PCDHA3: variants seen among roughly 807,000 people sequenced by gnomAD.
PCDHA3 encodes the protein protocadherin alpha 3, also known as protocadherin alpha-3.
In PCDHA3, 41 loss-of-function variants were observed where a neutral mutation model predicts 62.2. The ratio of observed to expected loss-of-function variants is 0.66; its 90% confidence interval spans 0.51 to 0.86. The LOEUF is 0.86. Ranked by LOEUF, PCDHA3 falls within the 40% of genes least tolerant of loss-of-function variation. PCDHA3 has a pLI of 0.00. For synonymous variants in PCDHA3, 640 were observed against 555.4 expected (o/e 1.15, Z -2.14); for missense variants, 1,304 against 1,241.2 (o/e 1.05, Z -0.76).
intron 1 of PCDHA3, chr5:140,863,284 G>A (rs1554158061): frequency 1.4e-6 from 2 of 1,461,880 alleles, no homozygotes; most frequent in Non-Finnish European, 1.9e-6. Flanking sequence ...GGATGTCAAC[G>A]TGTACCTGAT....
At chr5:140,936,112 C>T (rs782017334) in intron 1 of PCDHA3, among the ~76,000 whole-genome samples, 2 of 152,008 alleles carry the variant, frequency 1.3e-5, no homozygotes, top group Non-Finnish European at 2.9e-5. Context: ...AGGCTGGTCT[C>T]GAACTCCTGA....
Position 140,801,106 on chromosome 5 carries a change from C to A in PCDHA3, c.-92C>A. 6.6e-7 allele frequency: 1 copy of A among 1,507,684 alleles called. No homozygotes were observed. Among genetic ancestry groups the A allele is most frequent in the Non-Finnish European group, 8.8e-7 (1 of 1,134,524 alleles). 93.4% of individuals were successfully genotyped at this position (1,507,684 alleles called of 1,614,324 possible). A position where few individuals can be genotyped will look rare whatever the true frequency, so the allele number is the denominator to read the frequency against. ...CTTCATCCTCTCTAAAATTTAACACCGAGGAGTTTAAGAAATGAAGATAAG... is the reference window on the plus strand; with the variant it reads ...CTTCATCCTCTCTAAAATTTAACACAGAGGAGTTTAAGAAATGAAGATAAG... On this transcript the variant is annotated 5_prime_UTR_variant, in exon 1 of 4. Transcript: ENST00000522353.
chr5:140,930,196 T>C (rs1554207641), intron 1 of PCDHA3: 1 of 152,226 alleles, frequency 6.6e-6, no homozygotes, highest in South Asian at 2.1e-4. Flanking sequence ...AATTTTTATG[T>C]CAGAAATATT....
chr5:140,981,791 C>G (rs564396430), intron 2 of PCDHA3, among the ~76,000 whole-genome samples: 2 of 152,000 alleles, frequency 1.3e-5, no homozygotes, highest in Non-Finnish European at 2.9e-5. Flanking sequence ...GTTCTCTTTT[C>G]CCTTGAACAG....
intron 1 of PCDHA3, chr5:140,882,064 C>G (rs1277765660): frequency 1.1e-5 from 9 of 831,034 alleles, no homozygotes; most frequent in Non-Finnish European, 1.6e-5. Context: ...CTTACACGTT[C>G]ATGCGCATGG....
intron 1 of PCDHA3, among the ~76,000 whole-genome samples, chr5:140,827,481 A>C (rs555131112): frequency 1.3e-5 from 2 of 152,252 alleles, no homozygotes; most frequent in Admixed American, 1.3e-4. Flanking sequence ...TTGAACAAAG[A>C]AAGCATGGAC....
intron 1 of PCDHA3, among the ~76,000 whole-genome samples, chr5:140,900,046 G>A (rs896570608): frequency 2.4e-4 from 36 of 152,294 alleles, no homozygotes; most frequent in Admixed American, 1.6e-3. Context: ...CTGGGCTCAA[G>A]TGATCCTTTA....
intron 1 of PCDHA3, chr5:140,967,133 G>C: frequency 6.2e-7 from 1 of 1,611,928 alleles, no homozygotes; most frequent in East Asian, 2.2e-5. Flanking sequence ...CAGCTTGGAA[G>C]TGCTGGCGCA....
intron 1 of PCDHA3, chr5:140,812,652 A>G (rs2126640535): frequency 6.6e-6 from 1 of 152,200 alleles, no homozygotes; most frequent in South Asian, 2.1e-4. Context: ...AAGAGACAAG[A>G]TCTCACTATG....
chr5:140,842,159 T>A (rs2150330749), intron 1 of PCDHA3: 1 of 1,613,882 alleles, frequency 6.2e-7, no homozygotes, highest in South Asian at 1.1e-5. Context: ...AATTTCATAT[T>A]CTTTTAATAG....
chr5:140,856,851 C>T (rs140022509), intron 1 of PCDHA3: 4 of 1,593,160 alleles, frequency 2.5e-6, no homozygotes, highest in Admixed American at 1.7e-5. Context: ...GCTTCTGATT[C>T]GGATGAAGGA....
intron 1 of PCDHA3, among the ~76,000 whole-genome samples, chr5:140,941,301 TTTC>T (rs1554214297): frequency 1.4e-5 from 2 of 143,748 alleles, no homozygotes; most frequent in African/African-American, 2.6e-5. Flanking sequence ...TCTTTCTTTC[TTTC>T]TTTTTCTTCT....
intron 1 of PCDHA3, among the ~76,000 whole-genome samples, chr5:140,953,309 G>A (rs563699783): frequency 1.3e-5 from 2 of 152,220 alleles, no homozygotes; most frequent in East Asian, 1.9e-4. Flanking sequence ...AGAGATGTGG[G>A]AAGAATTTGA....
chr5:140,877,408 C>A, intron 1 of PCDHA3: 1 of 1,613,924 alleles, frequency 6.2e-7, no homozygotes, highest in South Asian at 1.1e-5. Context: ...TCCGCGCCAC[C>A]GCCTGCTGGT....
At chr5:140,848,903 A>T in intron 1 of PCDHA3, 1 of 1,607,734 alleles carries the variant, frequency 6.2e-7, no homozygotes, top group Non-Finnish European at 8.5e-7. Context: ...TCCCAGCGAC[A>T]CAAAAGAATC....
chr5:140,904,189 C>G (rs1436545458), intron 1 of PCDHA3, among the ~76,000 whole-genome samples: 1 of 151,968 alleles, frequency 6.6e-6, no homozygotes, highest in Non-Finnish European at 1.5e-5. Context: ...CCCCTTCCCA[C>G]CCTTTCCCCC....
At position 140,969,018 on chromosome 5, in the gene PCDHA3, G is replaced by A. The variant is rs143196630; in HGVS notation, c.2395-9931G>A. On this transcript the variant is annotated intron_variant, in intron 1 of 3. Transcript: ENST00000522353. ...GGAGGCTTCTGTGGAGTAAGGGAAA[G>A]GTCCCCTGCAGAACTGTACAAACAA... 33 of 1,614,058 alleles carry A rather than the reference G, an allele frequency of 2.0e-5. 1 individual carries two copies. In the Middle Eastern group the frequency reaches 4.9e-4, roughly 24 times the overall value.
chr5:140,882,071 A>T (rs2058936449), intron 1 of PCDHA3: 4 of 864,074 alleles, frequency 4.6e-6, no homozygotes, highest in Admixed American at 2.9e-5. Context: ...GTTCATGCGC[A>T]TGGTGTCGCT....
chr5:140,925,027 C>A (rs1238112043), intron 1 of PCDHA3, among the ~76,000 whole-genome samples: 1 of 151,680 alleles, frequency 6.6e-6, no homozygotes, highest in Non-Finnish European at 1.5e-5. Flanking sequence ...GGGAGGATCG[C>A]TTGAGCCCAG....
Sources: allele counts gnomAD v4.1 joint callset (sites outside exome capture counted in the v4.1 genomes callset), GRCh38; gene constraint gnomAD v4.1.1; transcripts MANE v1.5; gene names NCBI Gene and HGNC (gene_info 2026-07-23, HGNC 2026-07-21).